The following DNAAF9 variants were observed in gnomAD, a reference collection of about 807,000 sequenced individuals.
DNAAF9 encodes the protein shulin.
Under a neutral mutation model 167.0 loss-of-function variants are expected in DNAAF9, and 90 were observed. The observed-to-expected ratio is 0.54, with a 90% confidence interval of 0.45 to 0.64. DNAAF9 has a LOEUF of 0.64. DNAAF9 is among the 30% of genes least tolerant of loss of function. The pLI is 0.00. For missense variants in DNAAF9, 1,315 were observed against 1,442.2 expected, an observed-to-expected ratio of 0.91 and a Z score of 1.43; for synonymous variants, 491 against 508.8, an observed-to-expected ratio of 0.96 and a Z score of 0.47.
intron 21 of DNAAF9, among the ~76,000 whole-genome samples, chr20:3,298,991 C>T (rs2069134518): frequency 6.6e-6 from 1 of 150,416 alleles, no homozygotes; most frequent in Non-Finnish European, 1.5e-5. Context: ...TCGCTGCAAC[C>T]CCCGCCTCCT....
intron 1 of DNAAF9, among the ~76,000 whole-genome samples, chr20:3,391,453 T>C (rs1431717917): frequency 6.6e-6 from 1 of 152,122 alleles, no homozygotes; most frequent in Non-Finnish European, 1.5e-5. Flanking sequence ...GTATGTTGAA[T>C]ATTTACTGTC....
intron 11 of DNAAF9, 21 bp downstream of exon 11, chr20:3,332,259 T>C (rs1488970456): frequency 3.2e-6 from 4 of 1,248,354 alleles, no homozygotes; most frequent in Non-Finnish European, 4.7e-6. Flanking sequence ...GCTGATGAGA[T>C]GACAACTTAT....
At chr20:3,347,689 G>T (rs2070222670) in intron 8 of DNAAF9, among the ~76,000 whole-genome samples, 1 of 152,080 alleles carries the variant, frequency 6.6e-6, no homozygotes, top group Non-Finnish European at 1.5e-5. Context: ...GCACTTTGGG[G>T]GGCTGAGGCG....
At chr20:3,320,770 T>C (rs937063365) in intron 16 of DNAAF9, among the ~76,000 whole-genome samples, 1 of 152,192 alleles carries the variant, frequency 6.6e-6, no homozygotes. Context: ...AACTTTTGAG[T>C]TACTTTTCCA....
chr20:3,361,841 T>G, intron 6 of DNAAF9: 6 of 1,432,068 alleles, frequency 4.2e-6, no homozygotes, highest in Non-Finnish European at 4.8e-6. Context: ...AAATCGAATG[T>G]TGGGGGGAAG....
intron 3 of DNAAF9, among the ~76,000 whole-genome samples, chr20:3,378,346 T>C (rs2083603213): frequency 6.6e-6 from 1 of 152,128 alleles, no homozygotes; most frequent in Non-Finnish European, 1.5e-5. Flanking sequence ...TGTGCAGTGG[T>C]GAGCTTTGTA....
intron 10 of DNAAF9, among the ~76,000 whole-genome samples, chr20:3,336,414 G>T (rs1386336803): frequency 2.0e-5 from 3 of 147,070 alleles, no homozygotes; most frequent in Non-Finnish European, 4.5e-5. Context: ...GTTTTGTTCA[G>T]TTTTTTTTTT....
At chr20:3,281,598 C>A in intron 28 of DNAAF9, 43 bp downstream of exon 28, 2 of 1,539,882 alleles carry the variant, frequency 1.3e-6, no homozygotes, top group Non-Finnish European at 1.7e-6. Flanking sequence ...TGGGTGGAAA[C>A]AAATCACTTT....
At chr20:3,372,780 C>G (rs2083527838) in intron 6 of DNAAF9, among the ~76,000 whole-genome samples, 1 of 97,116 alleles carries the variant, frequency 1.0e-5, no homozygotes. Context: ...GGGGATGTAC[C>G]TCAGAGGGTT....
At chr20:3,340,433 T>TCCGGGGGGGGGGCGCCCCCCCCCCCCCC in intron 10 of DNAAF9, 71 bp downstream of exon 10, 1 of 221,214 alleles carries the variant, frequency 4.5e-6, no homozygotes, top group Non-Finnish European at 9.5e-6. Flanking sequence ...TTTGTCTAGC[T>TCCGGGGGGGGGGCGCCCCCCCCCCCCCC]CCCCCCACCC....
chr20:3,367,811 T>C (rs1191697753), intron 6 of DNAAF9, among the ~76,000 whole-genome samples: 1 of 151,150 alleles, frequency 6.6e-6, no homozygotes, highest in East Asian at 1.9e-4. Context: ...ATTATGAGAA[T>C]TACCAAAATG....
chr20:3,294,078 G>A lies in DNAAF9; in HGVS notation c.2238+61C>T, dbSNP rs554825822. ...TTTGTTAACTGACACAAAAGATTCA[G>A]GGGCAGGCTCTCAAGATCATCTTCC... is the stretch of plus-strand genomic sequence containing the variant. On this transcript the variant is annotated intron_variant, in intron 25 of 36. Transcript: ENST00000252032. 585 of 926,502 alleles carry A rather than the reference G, an allele frequency of 6.3e-4. 13 individuals carry two copies. In the South Asian group the frequency reaches 7.7e-3, roughly 12 times the overall value. The allele number at this position is 926,502 out of a possible 1,614,324, so 57.4% of individuals were successfully genotyped here. A position where few individuals can be genotyped will look rare whatever the true frequency, so the allele number is the denominator to read the frequency against.
intron 25 of DNAAF9, 131 bp from the exon 26 acceptor site, chr20:3,290,348 G>C: frequency 1.5e-6 from 1 of 674,280 alleles, no homozygotes; most frequent in Non-Finnish European, 2.7e-6. Flanking sequence ...CTAACTCTGT[G>C]ACCTTAGGCC....
intron 15 of DNAAF9, 108 bp downstream of exon 15, chr20:3,322,544 A>G (rs779233558): frequency 4.5e-6 from 4 of 896,750 alleles, no homozygotes; most frequent in Non-Finnish European, 7.5e-6. Context: ...GAGTGATGTC[A>G]CTGCTAGGTG....
At chr20:3,340,256 G>A (rs962279687) in intron 10 of DNAAF9, among the ~76,000 whole-genome samples, 3 of 152,090 alleles carry the variant, frequency 2.0e-5, no homozygotes, top group Non-Finnish European at 2.9e-5. Context: ...GTGAAACTAC[G>A]TTCTTAACCT....
intron 33 of DNAAF9, among the ~76,000 whole-genome samples, chr20:3,257,966 TG>T (rs1568560388): frequency 1.3e-5 from 2 of 152,046 alleles, no homozygotes; most frequent in Non-Finnish European, 2.9e-5. Flanking sequence ...TGGCCTCAAA[TG>T]ATCTGCCTGC....
intron 35 of DNAAF9, 24 bp from the exon 36 acceptor site, chr20:3,253,843 A>C (rs920295078): frequency 7.9e-7 from 1 of 1,265,680 alleles, no homozygotes; most frequent in Non-Finnish European, 1.2e-6. Context: ...GAGACCTGTA[A>C]TAATTATCTG....
rs1274533353 is a variant in DNAAF9, at chr20:3,345,009, A to G, written c.790-1278T>C. ...ATTTACATTCTCCGGATATTTATCAATTGGAGTGTTTATTTATTTATTTAT... is the reference window on the plus strand; with the variant it reads ...ATTTACATTCTCCGGATATTTATCAGTTGGAGTGTTTATTTATTTATTTAT... On this transcript the variant is annotated intron_variant, in intron 8 of 36. Coordinates refer to ENST00000252032, the MANE Select transcript of DNAAF9 (RefSeq NM_001009984.3). 2.6e-5 allele frequency among the ~76,000 whole-genome samples: 4 copies of G among 152,138 alleles called. No individual in the cohort carries two copies. In the East Asian group the frequency reaches 7.7e-4, roughly 29 times the overall value.
intron 1 of DNAAF9, among the ~76,000 whole-genome samples, chr20:3,395,628 C>T (rs1432409497): frequency 6.6e-6 from 1 of 152,088 alleles, no homozygotes; most frequent in African/African-American, 2.4e-5. Flanking sequence ...TGTCAAGTTC[C>T]ATAAACTCTT....
Sources: gnomAD v4.1 joint callset for allele counts (sites outside exome capture counted in the v4.1 genomes callset) on GRCh38, gnomAD v4.1.1 for gene constraint, MANE v1.5 for transcripts, NCBI Gene and HGNC (gene_info 2026-07-23, HGNC 2026-07-21) for gene names.